The following ERFL variants were observed in gnomAD, a reference collection of about 807,000 sequenced individuals.
ERFL encodes ETS domain-containing transcription factor ERF-like.
ERFL carries 8 observed loss-of-function variants against 27.9 expected under a neutral mutation model. The observed-to-expected ratio is 0.29, with a 90% CI of 0.17 to 0.52. The LOEUF is 0.52. ERFL is among the 20% of genes least tolerant of loss of function. The pLI, the probability that ERFL is intolerant of heterozygous loss-of-function variation, is 0.97. For synonymous variants in ERFL, 174 were observed against 202.8 expected (o/e 0.86, Z 1.21); for missense variants, 294 against 444.4 (o/e 0.66, Z 3.04).
rs2074731548 is a variant in ERFL at position 41,908,440 on chromosome 19, G to C, written c.853C>G (p.Leu285Val). 1 of 1,231,160 alleles carries C rather than the reference G, an allele frequency of 8.1e-7. No individual in the cohort carries two copies. Among genetic ancestry groups the C allele is most frequent in the African/African-American group, 1.6e-5 (1 of 64,376 alleles). The allele number at this position is 1,231,160 out of a possible 1,614,324, so 76.3% of individuals were successfully genotyped here. A position where few individuals can be genotyped will look rare whatever the true frequency, so the allele number is the denominator to read the frequency against. ...AGGCCCGAGGGGCGCTCGGGGCCCA[G>C]GCCCTCCCCTGTCGAGGCCAGCAGG... is the stretch of plus-strand genomic sequence containing the variant. ...TPLLASTGEGLGPERPSGLAA... is the reference protein window; with the variant it reads ...TPLLASTGEGVGPERPSGLAA... The change falls in exon 6 of 6, where the codon CTG becomes GTG. Residue 285 changes from leucine to valine, a missense_variant. Leu to Val is a conservative substitution (Grantham distance 32). Transcript: ENST00000597630. The surrounding 1 kb of genome is among the most constrained non-coding windows in gnomAD (Gnocchi z 6.7).
At chr19:41,915,995 A>T (rs1555851925) in intron 1 of ERFL, among the ~76,000 whole-genome samples, 2 of 147,684 alleles carry the variant, frequency 1.4e-5, no homozygotes, top group Admixed American at 6.7e-5. Flanking sequence ...TTTAATTTTT[A>T]ATTTTATTTT....
chr19:41,913,684 G>C (rs1295459804), intron 1 of ERFL, among the ~76,000 whole-genome samples: 2 of 143,806 alleles, frequency 1.4e-5, no homozygotes, highest in Non-Finnish European at 3.0e-5. Context: ...TGCCTCCCCT[G>C]TCAGACCCCC....
At chr19:41,914,080 C>CA (rs1203766963) in intron 1 of ERFL, among the ~76,000 whole-genome samples, 1 of 20 alleles carries the variant, frequency 0.05, no homozygotes, top group Non-Finnish European at 0.083. Flanking sequence ...GCCCCGCCTA[C>CA]CCCTGGACAC....
chr19:41,923,983 G>A, intron 1 of ERFL, among the ~76,000 whole-genome samples: 1 of 112,824 alleles, frequency 8.9e-6, no homozygotes, highest in African/African-American at 3.5e-5. Context: ...GGGTGCGCTG[G>A]GAGGGGGCTG....
At chr19:41,923,572 G>T (rs1320867304) in intron 1 of ERFL, among the ~76,000 whole-genome samples, 1 of 146,606 alleles carries the variant, frequency 6.8e-6, no homozygotes, top group African/African-American at 2.6e-5. Context: ...AAGGAGACAG[G>T]GGCAGGTGGT....
chr19:41,926,729 G>C (rs1044583701), intron 1 of ERFL, among the ~76,000 whole-genome samples: 7 of 152,068 alleles, frequency 4.6e-5, no homozygotes, highest in African/African-American at 7.2e-5. Context: ...GGGAGCGGGC[G>C]GGGGGGCCGT....
chr19:41,909,679 C>T lies in ERFL; in HGVS notation c.302+184G>A, dbSNP rs1249684021. ...GACCCTGCCCTGCAAGACTCCAAAG[C>T]CCAGGTTTAGGGGTCCCTCCTCCTC... On this transcript the variant is annotated intron_variant, in intron 3 of 5. Coordinates refer to ENST00000597630, the MANE Select transcript of ERFL (RefSeq NM_001365103.2). The surrounding 1 kb of genome is among the most constrained non-coding windows in gnomAD (Gnocchi z 5.2). Among the ~76,000 whole-genome samples, 2 of 152,148 alleles carry T rather than the reference C, an allele frequency of 1.3e-5. No individual in the cohort carries two copies. The highest frequency in any genetic ancestry group is 2.9e-5 in the Non-Finnish European group (2 of 68,014).
rs1555852460 is a variant in ERFL at position 41,921,266 on chromosome 19, G to A, written c.-14+6774C>T. 1.4e-4 allele frequency among the ~76,000 whole-genome samples: 22 copies of A among 152,266 alleles called. 1 individual carries two copies. On this transcript the variant is annotated intron_variant, in intron 1 of 5. Coordinates refer to ENST00000597630, the MANE Select transcript of ERFL (RefSeq NM_001365103.2). This position sits in a 1 kb window ranked among gnomAD's most constrained non-coding sequence, Gnocchi z 4.4. ...TGGAGGTTGGGGTGGGGGGCACAGA[G>A]AAGGGGAGACATGCAGGGAGGAAGA...
intron 1 of ERFL, chr19:41,923,246 C>G (rs1345444581): frequency 4.4e-6 from 2 of 450,752 alleles, no homozygotes; most frequent in Non-Finnish European, 8.9e-6. Flanking sequence ...CAGTATGACT[C>G]TAGGCCCCCG....
In ERFL at chr19:41,909,395, C is replaced by T. The variant is rs782314354; in HGVS notation, c.379G>A (p.Val127Met). Residue 127 changes from valine to methionine, a missense_variant, in exon 4 of 6, where the codon GTG (valine) becomes ATG (methionine). Around this residue, in one of 3 missense-constraint regions of ERFL, gnomAD observed 246 missense variants for 371.4 expected, o/e 0.66. Transcript: ENST00000597630. The surrounding 1 kb of genome is among the most constrained non-coding windows in gnomAD (Gnocchi z 5.2). Reference sequence around the variant, plus strand: ...TCCAGCAGCGGGTAATTGACAAGCACGACTTTGCTGAAGTTGAACTTGTAG... The same window carrying T: ...TCCAGCAGCGGGTAATTGACAAGCATGACTTTGCTGAAGTTGAACTTGTAG... ...FTYKFNFSKV[V>M]LVNYPLLDMA... 5.7e-6 allele frequency: 7 copies of T among 1,237,432 alleles called. No individual in the cohort carries two copies. Among genetic ancestry groups the T allele is most frequent in the African/African-American group, 3.1e-5 (2 of 64,630 alleles). 76.7% of individuals were successfully genotyped at this position (1,237,432 alleles called of 1,614,324 possible). A position where few individuals can be genotyped will look rare whatever the true frequency, so the allele number is the denominator to read the frequency against.
Position 41,916,730 on chromosome 19 carries a change from C to T in ERFL, c.-13-3798G>A, listed in dbSNP as rs1428817566. 1.3e-5 allele frequency among the ~76,000 whole-genome samples: 2 copies of T among 152,030 alleles called. No individual in the cohort carries two copies. Among genetic ancestry groups the T allele is most frequent in the African/African-American group, 4.8e-5 (2 of 41,364 alleles). On this transcript the variant is annotated intron_variant, in intron 1 of 5. Transcript: ENST00000597630. The surrounding 1 kb of genome is among the most constrained non-coding windows in gnomAD (Gnocchi z 5.4). ...GGTCACGCATGGAGCCGTAGAGATA[C>T]ACACACCAGCACCAACCCAGACAGC...
rs959572211 is a variant in ERFL at position 41,917,431 on chromosome 19, C to T, written c.-13-4499G>A. Among the ~76,000 whole-genome samples the T allele has an allele frequency of 6.6e-6, 1 of 152,000 alleles. No individual in the cohort carries two copies. The highest frequency in any genetic ancestry group is 1.5e-5 in the Non-Finnish European group (1 of 67,974). On this transcript the variant is annotated intron_variant, in intron 1 of 5. Coordinates refer to ENST00000597630, the MANE Select transcript of ERFL (RefSeq NM_001365103.2). This position sits in a 1 kb window ranked among gnomAD's most constrained non-coding sequence, Gnocchi z 4.8. ...GCGCCGGCCGCCTCGGGAGCCGCCT[C>T]GGGCCTCGCACCCCCACCACCAGCC...
Position 41,908,487 on chromosome 19 carries a change from C to T in ERFL, c.806G>A (p.Gly269Glu), listed in dbSNP as rs1022740272. The change falls in exon 6 of 6, where the codon GGG becomes GAG. Residue 269 changes from glycine (G) to glutamate (E), a missense_variant. Around this residue, in one of 3 missense-constraint regions of ERFL, gnomAD observed 246 missense variants for 371.4 expected, o/e 0.66. Transcript: ENST00000597630. This position sits in a 1 kb window ranked among gnomAD's most constrained non-coding sequence, Gnocchi z 6.7. ...CAGGGGCGTGGCTGTGGGGCCTCCC[C>T]CTGCCCCTGACGAGGGCAGGTGGCC... ...SLGHLPSSGA[G>E]GGPTATPLLA... 2.4e-6 allele frequency: 3 copies of T among 1,231,492 alleles called. No individual in the cohort carries two copies. The highest frequency in any genetic ancestry group is 3.1e-4 in the Middle Eastern group (1 of 3,232). The allele number at this position is 1,231,492 out of a possible 1,614,324, so 76.3% of individuals were successfully genotyped here.
chr19:41,919,324 A>C (rs1045407008), intron 1 of ERFL, among the ~76,000 whole-genome samples: 13 of 152,196 alleles, frequency 8.5e-5, no homozygotes, highest in Admixed American at 8.5e-4. Context: ...GAAGTTGCAG[A>C]CACATGCGCC....
chr19:41,913,284 T>TCGC (rs1450205527), intron 1 of ERFL, among the ~76,000 whole-genome samples: 1 of 70,924 alleles, frequency 1.4e-5, no homozygotes, highest in Non-Finnish European at 2.9e-5. Flanking sequence ...CGCCCGCCGC[T>TCGC]CGCGCCCCGC....
In ERFL at chr19:41,912,847, A is replaced by G. The variant is rs2074761835; in HGVS notation, c.67+6T>C. On this transcript the variant is annotated splice_donor_region_variant and intron_variant, in intron 2 of 5. Coordinates refer to ENST00000597630, the MANE Select transcript of ERFL (RefSeq NM_001365103.2). ...GGAAGGGGTGGGGGAGGTCCGGGCC[A>G]GTTACCGGGGGTCCAGAGAGCCGGC... 8.3e-7 allele frequency: 1 copy of G among 1,198,090 alleles called. No individual in the cohort carries two copies. 74.2% of individuals were successfully genotyped at this position (1,198,090 alleles called of 1,614,324 possible).
intron 1 of ERFL, among the ~76,000 whole-genome samples, chr19:41,922,020 A>G (rs2074845269): frequency 7.3e-6 from 1 of 136,902 alleles, no homozygotes; most frequent in Admixed American, 7.4e-5. Context: ...GCCTCACTCC[A>G]CATCGGGCCC....
chr19:41,908,146 CTGGGCCT>C lies in ERFL; in HGVS notation c.*75_*81del, dbSNP rs1487606333. On this transcript the variant is annotated 3_prime_UTR_variant, in exon 6 of 6. Coordinates refer to ENST00000597630, the MANE Select transcript of ERFL (RefSeq NM_001365103.2). The surrounding 1 kb of genome is among the most constrained non-coding windows in gnomAD (Gnocchi z 6.7). ...ACCTGGGAGGTGCTGAGGGCTGGTC[CTGGGCCT>C]TGGGCCAGGCATCAAGGGCAGACGG... 2 of 1,124,296 alleles carry C rather than the reference CTGGGCCT, an allele frequency of 1.8e-6. No individual in the cohort carries two copies. The highest frequency in any genetic ancestry group is 2.2e-6 in the Non-Finnish European group (2 of 889,902). The allele number at this position is 1,124,296 out of a possible 1,614,324, so 69.6% of individuals were successfully genotyped here.
intron 1 of ERFL, among the ~76,000 whole-genome samples, chr19:41,915,773 GC>G (rs1348658272): frequency 6.6e-6 from 1 of 151,918 alleles, no homozygotes; most frequent in Non-Finnish European, 1.5e-5. Flanking sequence ...TGCCCCTGGC[GC>G]CCCCCTGGCC....
Sources: gnomAD v4.1 joint callset for allele counts (sites outside exome capture counted in the v4.1 genomes callset) on GRCh38, gnomAD v4.1.1 for gene constraint, gnomAD v4.1.1 regional missense constraint, Gnocchi (gnomAD v3.1) non-coding constraint, MANE v1.5 for transcripts, NCBI Gene and HGNC (gene_info 2026-07-23, HGNC 2026-07-21) for gene names.